Variants in SPIN1 observed in about 807,000 individuals in gnomAD.
SPIN1 encodes the protein spindlin-1.
SPIN1 carries 3 observed loss-of-function variants against 26.0 expected under a neutral mutation model. The ratio of observed to expected loss-of-function variants is 0.12; its 90% CI spans 0.05 to 0.30. The LOEUF (loss-of-function observed/expected upper bound fraction) is 0.30, where lower values mean the gene tolerates loss of function less well. SPIN1 is among the 10% of genes least tolerant of loss of function. The pLI is 1.00. For missense variants in SPIN1, 126 were observed against 333.4 expected (o/e 0.38, Z 4.84); for synonymous variants, 101 against 116.5 (o/e 0.87, Z 0.86).
intron 5 of SPIN1, among the ~76,000 whole-genome samples, chr9:88,471,480 C>T (rs11142310): frequency 0.23 from 34,816 of 151,162 alleles, 6,170 homozygotes; most frequent in African/African-American, 0.5. Flanking sequence ...CTGGGCAGCA[C>T]GGGGAAACCC....
At chr9:88,393,719 T>C (rs1328680480) in intron 1 of SPIN1, among the ~76,000 whole-genome samples, 1 of 151,920 alleles carries the variant, frequency 6.6e-6, no homozygotes, top group Non-Finnish European at 1.5e-5. Flanking sequence ...CCTCCCAGAG[T>C]GTTGGGATTA....
chr9:88,422,377 T>C (rs1587788387), intron 1 of SPIN1, among the ~76,000 whole-genome samples: 1 of 152,218 alleles, frequency 6.6e-6, no homozygotes, highest in East Asian at 1.9e-4. Flanking sequence ...GTAGAATAAC[T>C]TAAGGTGAAG....
intron 1 of SPIN1, among the ~76,000 whole-genome samples, chr9:88,421,652 T>C (rs905428961): frequency 1.6e-5 from 2 of 128,852 alleles, no homozygotes; most frequent in African/African-American, 5.9e-5. Flanking sequence ...GTTTATTCAT[T>C]GTGTCTTATT....
intron 3 of SPIN1, among the ~76,000 whole-genome samples, chr9:88,457,010 A>G (rs1319750383): frequency 6.6e-6 from 1 of 152,216 alleles, no homozygotes; most frequent in African/African-American, 2.4e-5. Context: ...TTCACTAACA[A>G]TTGAGCTAAA....
At chr9:88,390,203 A>G (rs1826888938) in intron 1 of SPIN1, among the ~76,000 whole-genome samples, 1 of 152,210 alleles carries the variant, frequency 6.6e-6, no homozygotes, top group African/African-American at 2.4e-5. Context: ...AATCCAGGAA[A>G]CAGTGAAAAT....
At chr9:88,403,506 T>G (rs1276282810) in intron 1 of SPIN1, among the ~76,000 whole-genome samples, 2 of 152,102 alleles carry the variant, frequency 1.3e-5, no homozygotes, top group African/African-American at 4.8e-5. Context: ...GTCTAGAGTT[T>G]GAGACCAGCC....
At chr9:88,433,247 A>G (rs138574893) in intron 2 of SPIN1, among the ~76,000 whole-genome samples, 2,913 of 151,338 alleles carry the variant, frequency 0.019, 71 homozygotes, top group African/African-American at 0.063. Context: ...ACGCCCTGCT[A>G]ATTTTTGTAT....
intron 1 of SPIN1, among the ~76,000 whole-genome samples, chr9:88,395,345 C>T (rs1318201442): frequency 1.9e-5 from 2 of 102,646 alleles, no homozygotes; most frequent in African/African-American, 1.1e-4. Flanking sequence ...TCTATGCACA[C>T]TGCTCTGCCG....
chr9:88,407,802 C>G (rs888475566), intron 1 of SPIN1, among the ~76,000 whole-genome samples: 1 of 150,542 alleles, frequency 6.6e-6, no homozygotes, highest in African/African-American at 2.5e-5. Flanking sequence ...GCTCTGTCAC[C>G]CAGGCTGGAG....
At chr9:88,441,654 T>C (rs1205397125) in intron 2 of SPIN1, among the ~76,000 whole-genome samples, 1 of 151,414 alleles carries the variant, frequency 6.6e-6, no homozygotes, top group Non-Finnish European at 1.5e-5. Context: ...ACTTCAGAGG[T>C]TGAGGCGGGA....
At chr9:88,468,279 T>C (rs1828711404) in intron 4 of SPIN1, 93 bp from the exon 5 acceptor site, 1 of 949,232 alleles carries the variant, frequency 1.1e-6, no homozygotes, top group East Asian at 2.8e-5. Flanking sequence ...TGGACAAAAT[T>C]TCAGGTGTAG....
chr9:88,461,667 T>C (rs1828578462), intron 3 of SPIN1, among the ~76,000 whole-genome samples: 1 of 152,200 alleles, frequency 6.6e-6, no homozygotes, highest in African/African-American at 2.4e-5. Context: ...GTCTTTTTGT[T>C]CTTGGCGTAT....
chr9:88,408,692 T>C (rs1039443428), intron 1 of SPIN1, among the ~76,000 whole-genome samples: 1 of 145,394 alleles, frequency 6.9e-6, no homozygotes, highest in African/African-American at 2.6e-5. Context: ...TTTTTTTTTT[T>C]GAGACAGTTT....
chr9:88,462,795 A>T, intron 4 of SPIN1, 46 bp downstream of exon 4: 1 of 1,521,354 alleles, frequency 6.6e-7, no homozygotes, highest in Non-Finnish European at 8.8e-7. Flanking sequence ...TAAAAATGAT[A>T]TTGAACTGGA....
intron 1 of SPIN1, among the ~76,000 whole-genome samples, chr9:88,397,600 G>A (rs1322797679): frequency 1.3e-5 from 2 of 151,546 alleles, no homozygotes; most frequent in Admixed American, 1.3e-4. Flanking sequence ...ATTCATCACC[G>A]ACTCCAACAA....
chr9:88,391,931 A>G (rs1314923975), intron 1 of SPIN1: 18 of 152,228 alleles, frequency 1.2e-4, no homozygotes, highest in Admixed American at 1.2e-3. Flanking sequence ...CCTGGAAAGA[A>G]ATCTATGACC....
Position 88,464,077 on chromosome 9 carries a change from G to A in SPIN1, c.355+1328G>A, listed in dbSNP as rs1828616692. The stretch of plus-strand genomic sequence containing the variant: ...CAAGTATCTCTGGTGATGGGACTAA[G>A]GGTTCCATGTTGTTTGTAGTTTGGT... On this transcript the variant is annotated intron_variant, in intron 4 of 5. Coordinates refer to ENST00000375859, the MANE Select transcript of SPIN1 (RefSeq NM_006717.3). Among the ~76,000 whole-genome samples, 3 of 152,150 alleles carry A rather than the reference G, an allele frequency of 2.0e-5. No individual in the cohort carries two copies. The South Asian group carries it at 6.2e-4, about 32-fold the overall frequency.
At chr9:88,411,086 T>C in intron 1 of SPIN1, 6 of 1,544,166 alleles carry the variant, frequency 3.9e-6, no homozygotes, top group Non-Finnish European at 5.3e-6. Context: ...TCAGAACTGT[T>C]TAAAATAATC....
chr9:88,403,595 C>T (rs766973527), intron 1 of SPIN1, among the ~76,000 whole-genome samples: 4 of 152,034 alleles, frequency 2.6e-5, no homozygotes, highest in Non-Finnish European at 5.9e-5. Flanking sequence ...CCTGTAGTCC[C>T]AGCTACTCGG....
Sources: gnomAD v4.1 joint callset for allele counts (sites outside exome capture counted in the v4.1 genomes callset) on GRCh38, gnomAD v4.1.1 for gene constraint, MANE v1.5 for transcripts, NCBI Gene and HGNC (gene_info 2026-07-23, HGNC 2026-07-21) for gene names.